PHC3: variants seen among roughly 807,000 people sequenced by gnomAD.
PHC3 encodes polyhomeotic-like protein 3.
PHC3 carries 13 observed loss-of-function variants against 107.4 expected under a neutral mutation model. That is an observed-to-expected ratio of 0.12 (90% CI 0.08 to 0.19). The LOEUF (loss-of-function observed/expected upper bound fraction) is 0.19, where lower values mean the gene tolerates loss of function less well. PHC3 is among the 10% of genes least tolerant of loss of function. The pLI is 1.00. For synonymous variants in PHC3, 456 were observed against 427.4 expected, an observed-to-expected ratio of 1.07 and a Z score of -0.83; for missense variants, 992 against 1,210.9, an observed-to-expected ratio of 0.82 and a Z score of 2.68.
chr3:170,172,840 T>C (rs1181792432), intron 2 of PHC3, 128 bp from the exon 3 acceptor site: 1 of 972,940 alleles, frequency 1.0e-6, no homozygotes, highest in African/African-American at 1.6e-5. Context: ...TCAAGCTTAT[T>C]AACATTATTT....
chr3:170,122,378 A>G (rs1330426977), intron 9 of PHC3, among the ~76,000 whole-genome samples: 1 of 152,194 alleles, frequency 6.6e-6, no homozygotes, highest in Non-Finnish European at 1.5e-5. Context: ...CCAAGGCAGT[A>G]AAATCACTAA....
rs539363717 is a variant in PHC3, at chr3:170,112,196, T to A, written c.2353+1164A>T. ...TCCTTCAGTCATTTTGGATACCACTTGGACTTCTATTTACTTTATTTCATT... is the reference window on the plus strand; with the variant it reads ...TCCTTCAGTCATTTTGGATACCACTAGGACTTCTATTTACTTTATTTCATT... On this transcript the variant is annotated intron_variant, in intron 11 of 14. Transcript: ENST00000495893. 2.6e-5 allele frequency among the ~76,000 whole-genome samples: 4 copies of A among 152,212 alleles called. No individual in the cohort carries two copies. In the South Asian group the frequency reaches 6.2e-4, roughly 24 times the overall value.
intron 6 of PHC3, among the ~76,000 whole-genome samples, chr3:170,138,616 G>A (rs1055922941): frequency 8.6e-5 from 13 of 150,352 alleles, no homozygotes; most frequent in Non-Finnish European, 1.5e-4. Context: ...CTTGAAACCC[G>A]GAGGCAGAGG....
chr3:170,087,941 AC>A lies in PHC3; in HGVS notation c.*9288del. 1 of 152,294 alleles carries A rather than the reference AC, an allele frequency of 6.6e-6. No homozygotes were observed. Among genetic ancestry groups the A allele is most frequent in the Non-Finnish European group, 1.5e-5 (1 of 68,008 alleles). 9.4% of individuals were successfully genotyped at this position (152,294 alleles called of 1,614,324 possible). A position where few individuals can be genotyped will look rare whatever the true frequency, so the allele number is the denominator to read the frequency against. On this transcript the variant is annotated 3_prime_UTR_variant, in exon 15 of 15. Transcript: ENST00000495893. ...AGTGCTTTCTCTTTTTTAAAAAAAT[AC>A]ACCAAATGGACACTTTTTACATAGA...
chr3:170,129,277 T>A lies in PHC3; in HGVS notation c.1195A>T (p.Asn399Tyr). Residue 399 changes from asparagine to tyrosine, a missense_variant, in exon 8 of 15, where the codon AAT becomes TAT. Coordinates refer to ENST00000495893, the MANE Select transcript of PHC3 (RefSeq NM_024947.4). The part of the protein sequence containing the change: ...SHPSPLTVSP[N>Y]QSQSAQQSVV... The stretch of plus-strand genomic sequence containing the variant: ...GACTGCTGTGCTGACTGTGACTGAT[T>A]AGGAGACACTGTTAAAGGAGAGGGA... The A allele has an allele frequency of 6.2e-7, 1 of 1,613,850 alleles. No homozygotes were observed. The highest frequency in any genetic ancestry group is 8.5e-7 in the Non-Finnish European group (1 of 1,179,832).
intron 8 of PHC3, among the ~76,000 whole-genome samples, chr3:170,125,095 A>C (rs1032838301): frequency 2.0e-5 from 3 of 152,170 alleles, no homozygotes; most frequent in African/African-American, 7.2e-5. Flanking sequence ...ACATTTTTTA[A>C]AGTTATTTGC....
In PHC3 at chr3:170,144,158, TA is replaced by T. The variant is rs60191414; in HGVS notation, c.672+1264del. Among the ~76,000 whole-genome samples the T allele has an allele frequency of 6.6e-3, 778 of 118,768 alleles. 3 individuals carry two copies. The highest frequency in any genetic ancestry group is 0.017 in the African/African-American group (517 of 30,844). 77.9% of individuals were successfully genotyped at this position (118,768 alleles called of 152,430 possible). On this transcript the variant is annotated intron_variant, in intron 6 of 14. Transcript: ENST00000495893. ...AACATGGTGAAACCCTGTTTCTACT[TA>T]AAAAAAAAAAAAAAAAGAAAAAAGA...
At chr3:170,134,252 C>T (rs560045833) in intron 7 of PHC3, among the ~76,000 whole-genome samples, 99 of 151,968 alleles carry the variant, frequency 6.5e-4, no homozygotes, top group Middle Eastern at 3.4e-3. Context: ...TGCAATGGGG[C>T]GATTCCGGCT....
At position 170,163,320 on chromosome 3, in the gene PHC3, G is replaced by T. The variant is rs73879184; in HGVS notation, c.414+8053C>A. Reference sequence around the variant, plus strand: ...CAGTGAGTCGAAGCCAAAATATCAGGGATTCATGTAGTTATGGGCCAAAAT... The same window carrying T: ...CAGTGAGTCGAAGCCAAAATATCAGTGATTCATGTAGTTATGGGCCAAAAT... On this transcript the variant is annotated intron_variant, in intron 4 of 14. Transcript: ENST00000495893. Among the ~76,000 whole-genome samples the T allele has an allele frequency of 5.1e-3, 773 of 152,136 alleles. 6 individuals carry two copies. The highest frequency in any genetic ancestry group is 0.017 in the African/African-American group (716 of 41,472).
chr3:170,169,027 T>C (rs760566426), intron 4 of PHC3, among the ~76,000 whole-genome samples: 103 of 151,692 alleles, frequency 6.8e-4, no homozygotes, highest in Admixed American at 3.1e-3. Flanking sequence ...AAATCCAAAA[T>C]GTTCCAATGA....
intron 6 of PHC3, among the ~76,000 whole-genome samples, chr3:170,141,194 AT>A (rs1359871955): frequency 1.3e-5 from 2 of 152,222 alleles, no homozygotes; most frequent in African/African-American, 4.8e-5. Context: ...TTATGCAGAA[AT>A]TTTCCAAAAC....
intron 3 of PHC3, 60 bp from the exon 4 acceptor site, chr3:170,171,510 T>C (rs1729595350): frequency 8.2e-7 from 1 of 1,214,560 alleles, no homozygotes; most frequent in African/African-American, 1.5e-5. Context: ...AACTTTCTGG[T>C]ACCATGATAA....
At chr3:170,173,193 CAAA>C (rs571535390) in intron 2 of PHC3, among the ~76,000 whole-genome samples, 1 of 117,772 alleles carries the variant, frequency 8.5e-6, no homozygotes, top group African/African-American at 3.2e-5. Context: ...ACTCCCATCT[CAAA>C]AAAAAAAAAA....
At chr3:170,114,384 CTAA>C (rs1466345547) in intron 10 of PHC3, among the ~76,000 whole-genome samples, 1 of 152,140 alleles carries the variant, frequency 6.6e-6, no homozygotes, top group Non-Finnish European at 1.5e-5. Context: ...GTATCCTCAA[CTAA>C]TTAAGATTTT....
At chr3:170,141,281 T>C (rs1317340502) in intron 6 of PHC3, among the ~76,000 whole-genome samples, 1 of 152,200 alleles carries the variant, frequency 6.6e-6, no homozygotes, top group Non-Finnish European at 1.5e-5. Flanking sequence ...ACTCACTCAC[T>C]GCCATTTCAA....
intron 8 of PHC3, among the ~76,000 whole-genome samples, chr3:170,126,374 T>C (rs575681709): frequency 1.8e-4 from 28 of 151,790 alleles, no homozygotes; most frequent in African/African-American, 6.3e-4. Flanking sequence ...GCAAGCATTA[T>C]AACCATATCA....
Position 170,149,223 on chromosome 3 carries a change from TAGG to T in PHC3, c.433_435del (p.Pro145del), listed in dbSNP as rs1173463802. 2.5e-6 allele frequency: 4 copies of T among 1,611,994 alleles called. No individual in the cohort carries two copies. In the South Asian group the frequency reaches 3.3e-5, roughly 13 times the overall value. On this transcript the variant is annotated inframe_deletion, in exon 5 of 15. Coordinates refer to ENST00000495893, the MANE Select transcript of PHC3 (RefSeq NM_024947.4). Reference sequence around the variant, plus strand: ...GAACGGCTTATTAACTGTGCAGGTGTAGGAGAAGTGGAGAGGTTGATCTAAGGA... The same window carrying T: ...GAACGGCTTATTAACTGTGCAGGTGTAGAAGTGGAGAGGTTGATCTAAGGA...
At chr3:170,112,250 C>T (rs543815984) in intron 11 of PHC3, among the ~76,000 whole-genome samples, 5 of 151,754 alleles carry the variant, frequency 3.3e-5, no homozygotes, top group Non-Finnish European at 4.4e-5. Context: ...CTAGCTCTGT[C>T]GCCAGGCTGG....
chr3:170,160,956 A>T (rs1440114690), intron 4 of PHC3, among the ~76,000 whole-genome samples: 1 of 152,222 alleles, frequency 6.6e-6, no homozygotes, highest in Non-Finnish European at 1.5e-5. Flanking sequence ...TTCTTTTAGA[A>T]TTTATCTAGC....
Sources: gnomAD v4.1 joint callset for allele counts (sites outside exome capture counted in the v4.1 genomes callset) on GRCh38, gnomAD v4.1.1 for gene constraint, MANE v1.5 for transcripts, NCBI Gene and HGNC (gene_info 2026-07-23, HGNC 2026-07-21) for gene names.